Variants in PLOD1 observed in about 807,000 individuals in gnomAD.
The protein encoded by PLOD1 is procollagen-lysine,2-oxoglutarate 5-dioxygenase 1.
PLOD1 carries 70 observed loss-of-function variants against 94.7 expected under a neutral mutation model. The ratio of observed to expected loss-of-function variants is 0.74; its 90% CI spans 0.61 to 0.90. The LOEUF is 0.90. Ranked by LOEUF, PLOD1 falls within the 40% of genes least tolerant of loss-of-function variation. PLOD1 has a pLI of 0.00. For synonymous variants in PLOD1, 417 were observed against 400.2 expected (o/e 1.04, Z -0.50); for missense variants, 905 against 972.7 (o/e 0.93, Z 0.93).
intron 13 of PLOD1, 77 bp downstream of exon 13, chr1:11,964,862 A>G: frequency 1.3e-6 from 2 of 1,493,792 alleles, no homozygotes; most frequent in Non-Finnish European, 1.9e-6. Context: ...TCTGACCCTC[A>G]TGGTGGGCCG....
At chr1:11,948,188 G>A (rs1167478878) in intron 2 of PLOD1, 121 bp downstream of exon 2, 1 of 759,794 alleles carries the variant, frequency 1.3e-6, no homozygotes, top group Non-Finnish European at 2.4e-6. Flanking sequence ...GGAGGCTTCT[G>A]GAAGCCTGAA....
intron 1 of PLOD1, among the ~76,000 whole-genome samples, chr1:11,947,236 CA>C (rs58975312): frequency 6.8e-4 from 84 of 124,350 alleles, no homozygotes; most frequent in Non-Finnish European, 6.0e-4. Context: ...GATGCTGTCT[CA>C]AAAAAAAAAA....
At chr1:11,938,152 A>T (rs576141834) in intron 1 of PLOD1, among the ~76,000 whole-genome samples, 1 of 120,934 alleles carries the variant, frequency 8.3e-6, no homozygotes, top group Non-Finnish European at 1.7e-5. Context: ...GGGGTTTTGC[A>T]ATGTTAGCCA....
chr1:11,966,914 G>A (rs947748561), intron 15 of PLOD1, 73 bp from the exon 16 acceptor site: 18 of 946,922 alleles, frequency 1.9e-5, no homozygotes, highest in Non-Finnish European at 3.2e-5. Flanking sequence ...GCTTGGGTGT[G>A]TGGCCCTGAA....
chr1:11,955,905 C>T (rs1304875961), intron 6 of PLOD1, among the ~76,000 whole-genome samples: 1 of 151,822 alleles, frequency 6.6e-6, no homozygotes, highest in Non-Finnish European at 1.5e-5. Context: ...AGATTACAGA[C>T]GTGAGCCATC....
At position 11,958,314 on chromosome 1, in the gene PLOD1, T is replaced by A. The variant is rs757285726; in HGVS notation, c.844-202T>A. 1.3e-5 allele frequency among the ~76,000 whole-genome samples: 2 copies of A among 152,136 alleles called. No homozygotes were observed. Among genetic ancestry groups the A allele is most frequent in the Non-Finnish European group, 2.9e-5 (2 of 68,014 alleles). On this transcript the variant is annotated intron_variant, in intron 8 of 18. Coordinates refer to ENST00000196061, the MANE Select transcript of PLOD1 (RefSeq NM_000302.4). This position sits in a 1 kb window ranked among gnomAD's most constrained non-coding sequence, Gnocchi z 4.3. ...AGTCCTTGTTCCAGGCCTGGGCTCC[T>A]GCTGCTCTCTCCCCGGGGCACCCTC...
Position 11,975,442 on chromosome 1 carries a change from C to G in PLOD1, c.*634C>G, listed in dbSNP as rs1347768053. ...CCTGTGGGGAGGGGAGTGACAGGTC[C>G]ACACACCACACTGGGTCACCCTGTC... On this transcript the variant is annotated 3_prime_UTR_variant, in exon 19 of 19. Coordinates refer to ENST00000196061, the MANE Select transcript of PLOD1 (RefSeq NM_000302.4). The G allele has an allele frequency of 5.9e-6, 1 of 169,148 alleles. No individual in the cohort carries two copies. Among genetic ancestry groups the G allele is most frequent in the East Asian group, 1.6e-4 (1 of 6,406 alleles). The allele number at this position is 169,148 out of a possible 1,614,324, so 10.5% of individuals were successfully genotyped here.
chr1:11,944,685 C>T (rs1398321185), intron 1 of PLOD1: 1 of 1,316,946 alleles, frequency 7.6e-7, no homozygotes, highest in Admixed American at 2.1e-5. Flanking sequence ...CTCCTTCCCA[C>T]ACCTGCCTGG....
chr1:11,973,319 G>A (rs1645879707), intron 18 of PLOD1, among the ~76,000 whole-genome samples: 1 of 152,128 alleles, frequency 6.6e-6, no homozygotes, highest in Non-Finnish European at 1.5e-5. Context: ...GGCCAACATG[G>A]CGAAACCCCA....
At chr1:11,970,086 C>CAA (rs145535439) in intron 16 of PLOD1, among the ~76,000 whole-genome samples, 87 of 126,034 alleles carry the variant, frequency 6.9e-4, no homozygotes, top group African/African-American at 2.5e-3. Flanking sequence ...ACTAAAAATA[C>CAA]AAAAAAAAAA....
chr1:11,963,788 CCTT>C lies in PLOD1; in HGVS notation c.1202+153_1202+155del, dbSNP rs1430913919. ...TCCTCTTTCTCCTCCTCGTCTTCCT[CCTT>C]GTCTTCCTCCTCCTCTTCCTCTTCC... On this transcript the variant is annotated intron_variant, in intron 11 of 18. Transcript: ENST00000196061. The surrounding 1 kb of genome is among the most constrained non-coding windows in gnomAD (Gnocchi z 4.3). 22 of 693,902 alleles carry C rather than the reference CCTT, an allele frequency of 3.2e-5. No homozygotes were observed. Among genetic ancestry groups the C allele is most frequent in the African/African-American group, 5.3e-5 (3 of 56,984 alleles). 43.0% of individuals were successfully genotyped at this position (693,902 alleles called of 1,614,324 possible). A position where few individuals can be genotyped will look rare whatever the true frequency, so the allele number is the denominator to read the frequency against.
At chr1:11,967,381 C>T (rs1645826172) in intron 16 of PLOD1, among the ~76,000 whole-genome samples, 1 of 151,432 alleles carries the variant, frequency 6.6e-6, no homozygotes, top group Admixed American at 6.6e-5. Context: ...AGCTTGGTTC[C>T]CTAGACTTCC....
At chr1:11,937,604 T>G (rs1259100637) in intron 1 of PLOD1, among the ~76,000 whole-genome samples, 1 of 152,172 alleles carries the variant, frequency 6.6e-6, no homozygotes, top group Non-Finnish European at 1.5e-5. Context: ...AAACCGCAGC[T>G]GCCCATGATG....
chr1:11,938,276 C>A (rs1645593497), intron 1 of PLOD1, among the ~76,000 whole-genome samples: 1 of 152,170 alleles, frequency 6.6e-6, no homozygotes, highest in Admixed American at 6.6e-5. Context: ...AGTAAGAAAT[C>A]ATCAACTCCA....
intron 1 of PLOD1, among the ~76,000 whole-genome samples, chr1:11,939,073 C>A (rs1196709901): frequency 6.6e-6 from 1 of 152,212 alleles, no homozygotes; most frequent in African/African-American, 2.4e-5. Context: ...CCAGCTCCTG[C>A]CTTTCCCTGT....
At position 11,966,402 on chromosome 1, in the gene PLOD1, G is replaced by A. The variant is rs991367101; in HGVS notation, c.1650+86G>A. 1.0e-4 allele frequency: 97 copies of A among 931,956 alleles called. 1 individual carries two copies. The Admixed American group carries it at 1.9e-3, about 18-fold the overall frequency. 57.7% of individuals were successfully genotyped at this position (931,956 alleles called of 1,614,324 possible). A position where few individuals can be genotyped will look rare whatever the true frequency, so the allele number is the denominator to read the frequency against. ...AGGGAAACTGCTTGCCCTGGGGAGTGGGGGACAGCAGGATGGGAGTTGGGG... is the reference window on the plus strand; with the variant it reads ...AGGGAAACTGCTTGCCCTGGGGAGTAGGGGACAGCAGGATGGGAGTTGGGG... On this transcript the variant is annotated intron_variant, in intron 15 of 18. Transcript: ENST00000196061.
chr1:11,951,184 G>T (rs890948834), intron 4 of PLOD1, among the ~76,000 whole-genome samples: 1 of 152,180 alleles, frequency 6.6e-6, no homozygotes, highest in Admixed American at 6.5e-5. Flanking sequence ...CTGGCCGTTG[G>T]TAGGAGCCTC....
chr1:11,960,797 G>T, intron 10 of PLOD1, 30 bp downstream of exon 10: 1 of 1,611,388 alleles, frequency 6.2e-7, no homozygotes, highest in South Asian at 1.1e-5. Context: ...ACTCTCCACT[G>T]ACAGTGGGGG....
rs1389548210 is a variant in PLOD1 at position 11,960,768 on chromosome 1, G to A, written c.1097+1G>A. 4 of 1,612,768 alleles carry A rather than the reference G, an allele frequency of 2.5e-6. No individual in the cohort carries two copies. Among genetic ancestry groups the A allele is most frequent in the South Asian group, 2.2e-5 (2 of 91,048 alleles). On this transcript the variant is annotated splice_donor_variant, in intron 10 of 18. Coordinates refer to ENST00000196061, the MANE Select transcript of PLOD1 (RefSeq NM_000302.4). LOFTEE classifies it high-confidence loss of function. Reference sequence around the variant, plus strand: ...ATGCAGATGCCAGGAACATGGGCGCGTGAGTTGTGGGCCACAGTACTCTCC... The same window carrying A: ...ATGCAGATGCCAGGAACATGGGCGCATGAGTTGTGGGCCACAGTACTCTCC...
Sources: allele counts gnomAD v4.1 joint callset (sites outside exome capture counted in the v4.1 genomes callset), GRCh38; gene constraint gnomAD v4.1.1; non-coding constraint Gnocchi (gnomAD v3.1); transcripts MANE v1.5; gene names NCBI Gene and HGNC (gene_info 2026-07-23, HGNC 2026-07-21).